MSH3: variants seen among roughly 807,000 people sequenced by gnomAD.
MSH3 encodes the protein DNA mismatch repair protein Msh3.
In MSH3, 106 loss-of-function variants were observed where a neutral mutation model predicts 123.3. The observed-to-expected ratio is 0.86, with a 90% CI of 0.73 to 1.01. The LOEUF is 1.01. Ranked by LOEUF, MSH3 falls within the 50% of genes least tolerant of loss-of-function variation. MSH3 has a pLI of 0.00. For synonymous variants in MSH3, 515 were observed against 481.4 expected, an observed-to-expected ratio of 1.07 and a Z score of -0.91; for missense variants, 1,459 against 1,347.6, an observed-to-expected ratio of 1.08 and a Z score of -1.29.
At chr5:80,704,322 T>C (rs1750673336) in intron 8 of MSH3, among the ~76,000 whole-genome samples, 2 of 152,186 alleles carry the variant, frequency 1.3e-5, no homozygotes, top group South Asian at 2.1e-4. Context: ...TGGCTAAGTG[T>C]AGAAAACAAT....
At chr5:80,770,037 A>G (rs761284199) in intron 15 of MSH3, among the ~76,000 whole-genome samples, 1 of 152,188 alleles carries the variant, frequency 6.6e-6, no homozygotes, top group Non-Finnish European at 1.5e-5. Flanking sequence ...ATAGAGCTCT[A>G]TATAACAGAA....
intron 22 of MSH3, among the ~76,000 whole-genome samples, chr5:80,866,267 T>C (rs1214505944): frequency 1.3e-5 from 2 of 152,172 alleles, no homozygotes; most frequent in East Asian, 3.9e-4. Flanking sequence ...GCCTCCCCGG[T>C]AGCTGGGACT....
At chr5:80,779,859 G>A (rs772948722) in intron 17 of MSH3, among the ~76,000 whole-genome samples, 45 of 151,588 alleles carry the variant, frequency 3.0e-4, no homozygotes, top group Non-Finnish European at 5.2e-4. Context: ...CCACTGTGCC[G>A]GCCAAAAAAT....
At chr5:80,838,818 A>G (rs1421235373) in intron 20 of MSH3, among the ~76,000 whole-genome samples, 1 of 152,204 alleles carries the variant, frequency 6.6e-6, no homozygotes, top group Non-Finnish European at 1.5e-5. Context: ...TATGCAAGTT[A>G]CTGCTGTTTC....
intron 8 of MSH3, among the ~76,000 whole-genome samples, chr5:80,705,821 G>A (rs1409506383): frequency 1.3e-5 from 2 of 151,790 alleles, no homozygotes; most frequent in African/African-American, 2.4e-5. Context: ...CCCTTTTTAC[G>A]TGGACACCGG....
intron 2 of MSH3, among the ~76,000 whole-genome samples, chr5:80,660,013 C>T (rs936600292): frequency 6.8e-6 from 1 of 147,138 alleles, no homozygotes; most frequent in Admixed American, 6.8e-5. Context: ...TTTGAAAAGC[C>T]AGTTAAGTAC....
Position 80,876,702 on chromosome 5 carries a change from G to T in MSH3, c.*840G>T, listed in dbSNP as rs1746315623. Among the ~76,000 whole-genome samples the T allele has an allele frequency of 6.6e-6, 1 of 151,850 alleles. No individual in the cohort carries two copies. The highest frequency in any genetic ancestry group is 2.4e-5 in the African/African-American group (1 of 41,354). On this transcript the variant is annotated 3_prime_UTR_variant, in exon 24 of 24. Coordinates refer to ENST00000265081, the MANE Select transcript of MSH3 (RefSeq NM_002439.5). ...AAAACTAGAGCACAGAAGGAATAAGGTCATGAAATTTAAAAGGTTAAATAT... is the reference window on the plus strand; with the variant it reads ...AAAACTAGAGCACAGAAGGAATAAGTTCATGAAATTTAAAAGGTTAAATAT...
chr5:80,664,880 CA>C (rs550778524), intron 2 of MSH3, among the ~76,000 whole-genome samples: 4 of 145,576 alleles, frequency 2.7e-5, no homozygotes, highest in African/African-American at 1.0e-4. Context: ...CTTATGTCTT[CA>C]AAAAAAAACA....
intron 9 of MSH3, 63 bp from the exon 10 acceptor site, chr5:80,728,788 C>T (rs1415307882): frequency 8.9e-6 from 8 of 898,820 alleles, no homozygotes; most frequent in Non-Finnish European, 1.3e-5. Flanking sequence ...CTGTTTATTA[C>T]ATTTTTTAAT....
chr5:80,660,982 A>G (rs1580543854), intron 2 of MSH3, among the ~76,000 whole-genome samples: 1 of 152,102 alleles, frequency 6.6e-6, no homozygotes, highest in Admixed American at 6.6e-5. Context: ...TATTTTTAAT[A>G]GAGATGGGGT....
rs148674079 is a variant in MSH3, at chr5:80,852,935, T to A, written c.2814-1195T>A. Among the ~76,000 whole-genome samples, 8 of 152,366 alleles carry A rather than the reference T, an allele frequency of 5.3e-5. 1 individual carries two copies. Among genetic ancestry groups the A allele is most frequent in the African/African-American group, 1.9e-4 (8 of 41,588 alleles). The stretch of plus-strand genomic sequence containing the variant: ...TGAAGGGATTTTGCTGAGAAAGTAG[T>A]TACCAGCATTCACAAAGCTGGCTAC... On this transcript the variant is annotated intron_variant, in intron 20 of 23. Transcript: ENST00000265081.
intron 19 of MSH3, among the ~76,000 whole-genome samples, chr5:80,804,698 C>A (rs1744853591): frequency 6.6e-6 from 1 of 152,198 alleles, no homozygotes; most frequent in Non-Finnish European, 1.5e-5. Flanking sequence ...CTGTGACCAC[C>A]ACCACTGGGA....
intron 17 of MSH3, among the ~76,000 whole-genome samples, chr5:80,782,836 T>C (rs558208016): frequency 9.2e-5 from 14 of 152,178 alleles, no homozygotes; most frequent in Admixed American, 2.6e-4. Context: ...GAGGATTGAA[T>C]ACCAGCATTA....
intron 2 of MSH3, among the ~76,000 whole-genome samples, chr5:80,660,740 G>C (rs1749415548): frequency 6.6e-6 from 1 of 151,990 alleles, no homozygotes; most frequent in Admixed American, 6.6e-5. Flanking sequence ...TTTCATGTTT[G>C]ATTTTCTTTC....
chr5:80,705,874 C>A (rs1750712479), intron 8 of MSH3, among the ~76,000 whole-genome samples: 1 of 152,164 alleles, frequency 6.6e-6, no homozygotes, highest in Non-Finnish European at 1.5e-5. Context: ...CACTTTAACT[C>A]TCTGCAAAGA....
chr5:80,738,285 T>C (rs1743548947), intron 10 of MSH3, among the ~76,000 whole-genome samples: 2 of 152,148 alleles, frequency 1.3e-5, no homozygotes, highest in African/African-American at 4.8e-5. Flanking sequence ...CTGCCACTCA[T>C]TTAGATACTT....
chr5:80,744,875 T>C lies in MSH3; in HGVS notation c.1763+260T>C, dbSNP rs26266. Among the ~76,000 whole-genome samples, 133,060 of 152,058 alleles carry C rather than the reference T, an allele frequency of 0.88. 58,349 individuals are homozygous for C. Among genetic ancestry groups the C allele is most frequent in the East Asian group, 1 (5,159 of 5,164 alleles). On this transcript the variant is annotated intron_variant, in intron 12 of 23. Transcript: ENST00000265081. ...GAGGATAGATGCCTTTTGTGGAGGG[T>C]TTTGAAGGCTAGACTGAGGAGTTGA...
intron 16 of MSH3, 68 bp from the exon 17 acceptor site, chr5:80,778,652 T>C: frequency 1.1e-6 from 1 of 872,064 alleles, no homozygotes; most frequent in Non-Finnish European, 2.0e-6. Flanking sequence ...ACTAATTTTC[T>C]AAAGTGATGG....
chr5:80,814,987 A>G (rs1385610613), intron 20 of MSH3, among the ~76,000 whole-genome samples: 2 of 152,224 alleles, frequency 1.3e-5, no homozygotes, highest in African/African-American at 4.8e-5. Flanking sequence ...TAAAAAGTAA[A>G]TACAGTCTCT....
Sources: gnomAD v4.1 joint callset for allele counts (sites outside exome capture counted in the v4.1 genomes callset) on GRCh38, gnomAD v4.1.1 for gene constraint, MANE v1.5 for transcripts, NCBI Gene and HGNC (gene_info 2026-07-23, HGNC 2026-07-21) for gene names.